PTPRT: variants seen among roughly 807,000 people sequenced by gnomAD.
The protein encoded by PTPRT is receptor-type tyrosine-protein phosphatase T.
A neutral mutation model predicts 176.8 loss-of-function variants in PTPRT; 56 were observed. The ratio of observed to expected loss-of-function variants is 0.32; its 90% confidence interval spans 0.26 to 0.40. The LOEUF (loss-of-function observed/expected upper bound fraction) is 0.40. PTPRT is among the 10% of genes least tolerant of loss of function. The pLI is 1.00. For missense variants in PTPRT, 1,540 were observed against 1,908.2 expected, an observed-to-expected ratio of 0.81 and a Z score of 3.60; for synonymous variants, 783 against 739.0, an observed-to-expected ratio of 1.06 and a Z score of -0.96.
intron 14 of PTPRT, 140 bp from the exon 15 acceptor site, chr20:42,236,398 G>C (rs968390326): frequency 5.8e-6 from 4 of 691,604 alleles, no homozygotes; most frequent in Non-Finnish European, 7.4e-6. Flanking sequence ...TAAGCTCAAG[G>C]AGATGCAAGT....
chr20:42,398,321 G>A (rs576378279), intron 9 of PTPRT, among the ~76,000 whole-genome samples: 21 of 152,178 alleles, frequency 1.4e-4, no homozygotes, highest in South Asian at 1.0e-3. Context: ...ATATCAAGCA[G>A]CAGTAGCCAT....
intron 1 of PTPRT, among the ~76,000 whole-genome samples, chr20:43,146,915 A>G (rs558534515): frequency 6.6e-6 from 1 of 152,260 alleles, no homozygotes; most frequent in East Asian, 1.9e-4. Flanking sequence ...AAGTCCCCTA[A>G]AAGGAAGACA....
At chr20:42,258,853 A>G (rs747031659) in intron 13 of PTPRT, among the ~76,000 whole-genome samples, 3 of 152,218 alleles carry the variant, frequency 2.0e-5, no homozygotes, top group Non-Finnish European at 4.4e-5. Context: ...GGGTTTTCAA[A>G]GATAGCTCTA....
chr20:42,751,530 G>T (rs1569133535), intron 6 of PTPRT, among the ~76,000 whole-genome samples: 1 of 152,168 alleles, frequency 6.6e-6, no homozygotes, highest in East Asian at 1.9e-4. Context: ...TCTAGGTGTT[G>T]CCAGAAGAGA....
chr20:43,145,235 CTTTA>C (rs958610031), intron 1 of PTPRT, among the ~76,000 whole-genome samples: 1 of 152,220 alleles, frequency 6.6e-6, no homozygotes, highest in Non-Finnish European at 1.5e-5. Flanking sequence ...CAATAATCTA[CTTTA>C]TTTATGTATT....
chr20:42,239,880 G>A (rs1386014069), intron 14 of PTPRT, among the ~76,000 whole-genome samples: 1 of 152,078 alleles, frequency 6.6e-6, no homozygotes, highest in Non-Finnish European at 1.5e-5. Context: ...TTACTCTCAC[G>A]GTTAGCTGAG....
intron 16 of PTPRT, among the ~76,000 whole-genome samples, chr20:42,172,153 T>C (rs1990104558): frequency 6.6e-6 from 1 of 151,860 alleles, no homozygotes; most frequent in Admixed American, 6.6e-5. Context: ...GTTTGAAAAA[T>C]ATACATTCAA....
At chr20:42,696,858 A>G (rs1353169880) in intron 6 of PTPRT, among the ~76,000 whole-genome samples, 1 of 152,190 alleles carries the variant, frequency 6.6e-6, no homozygotes, top group African/African-American at 2.4e-5. Flanking sequence ...TAGCCCCAGT[A>G]GACACCCTGC....
intron 19 of PTPRT, among the ~76,000 whole-genome samples, chr20:42,121,003 G>C (rs964151140): frequency 6.6e-6 from 1 of 152,180 alleles, no homozygotes; most frequent in African/African-American, 2.4e-5. Context: ...CTTTGTCTTA[G>C]ATGTTGCTGA....
intron 1 of PTPRT, among the ~76,000 whole-genome samples, chr20:43,169,310 C>T (rs893744166): frequency 2.6e-5 from 4 of 152,306 alleles, no homozygotes; most frequent in Admixed American, 2.0e-4. Context: ...TGGGAGCCCA[C>T]ATCTATTTTT....
intron 19 of PTPRT, among the ~76,000 whole-genome samples, chr20:42,124,966 G>A (rs993273938): frequency 6.6e-6 from 1 of 152,176 alleles, no homozygotes; most frequent in Non-Finnish European, 1.5e-5. Flanking sequence ...CAGGAACTCA[G>A]AGGCCAGGAG....
At chr20:42,728,093 C>T (rs1479634675) in intron 6 of PTPRT, among the ~76,000 whole-genome samples, 2 of 152,166 alleles carry the variant, frequency 1.3e-5, no homozygotes, top group Non-Finnish European at 2.9e-5. Flanking sequence ...AGAATTATTG[C>T]CCATTATGTT....
intron 16 of PTPRT, among the ~76,000 whole-genome samples, chr20:42,188,723 AC>A (rs934373121): frequency 1.3e-5 from 2 of 152,170 alleles, no homozygotes; most frequent in African/African-American, 4.8e-5. Context: ...TTTAACAAGC[AC>A]TTTTTAAGTG....
At chr20:42,748,707 G>C (rs893930524) in intron 6 of PTPRT, among the ~76,000 whole-genome samples, 3 of 152,106 alleles carry the variant, frequency 2.0e-5, no homozygotes, top group African/African-American at 2.4e-5. Context: ...CAAAGCCCTG[G>C]GGAGCGGGGG....
Position 42,342,252 on chromosome 20 carries a change from G to C in PTPRT, c.1865+8376C>G, listed in dbSNP as rs370595614. On this transcript the variant is annotated intron_variant, in intron 11 of 30. Coordinates refer to ENST00000373187, the MANE Select transcript of PTPRT (RefSeq NM_007050.6). ...CAACCTCATGGAGAAGGGCACTACAGTAACATTCATCCCTTATTCTTTATT... is the reference window on the plus strand; with the variant it reads ...CAACCTCATGGAGAAGGGCACTACACTAACATTCATCCCTTATTCTTTATT... 5.9e-5 allele frequency among the ~76,000 whole-genome samples: 9 copies of C among 152,316 alleles called. 1 individual carries two copies. In the East Asian group the frequency reaches 1.2e-3, roughly 20 times the overall value.
intron 1 of PTPRT, among the ~76,000 whole-genome samples, chr20:42,901,421 TTATAAACATAAATTTAAAAGAAGAAA>T (rs1315492250): frequency 6.6e-6 from 1 of 152,176 alleles, no homozygotes. Context: ...ACACCCTTCT[TTATAAACATAAATTTAAAAGAAGAAA>T]TGAAACACTT....
At chr20:42,517,577 T>C (rs374383060) in intron 7 of PTPRT, among the ~76,000 whole-genome samples, 3 of 152,192 alleles carry the variant, frequency 2.0e-5, no homozygotes, top group Admixed American at 6.5e-5. Flanking sequence ...GTGTGATGCA[T>C]AGTCCATTAA....
At chr20:42,551,134 T>C (rs892925658) in intron 7 of PTPRT, among the ~76,000 whole-genome samples, 1 of 152,198 alleles carries the variant, frequency 6.6e-6, no homozygotes, top group African/African-American at 2.4e-5. Context: ...TTGCACATTG[T>C]TGACCCTCAA....
At chr20:42,796,220 A>G (rs1170961556) in intron 2 of PTPRT, among the ~76,000 whole-genome samples, 1 of 152,246 alleles carries the variant, frequency 6.6e-6, no homozygotes. Context: ...CCTATTTAAA[A>G]TAATTAAAAT....
Sources: gnomAD v4.1 joint callset for allele counts (sites outside exome capture counted in the v4.1 genomes callset) on GRCh38, gnomAD v4.1.1 for gene constraint, MANE v1.5 for transcripts, NCBI Gene and HGNC (gene_info 2026-07-23, HGNC 2026-07-21) for gene names.